Variants in CAMTA1 observed in about 807,000 individuals in gnomAD.
The protein encoded by CAMTA1 is calmodulin-binding transcription activator 1.
Under a neutral mutation model 170.9 loss-of-function variants are expected in CAMTA1, and 27 were observed. The observed-to-expected ratio is 0.16, with a 90% CI of 0.12 to 0.22. The LOEUF (loss-of-function observed/expected upper bound fraction) is 0.22. Among genes scored for constraint, CAMTA1 ranks in the 10% least tolerant of loss-of-function variants. CAMTA1 has a pLI of 1.00. For missense variants in CAMTA1, 1,619 were observed against 2,217.2 expected, an observed-to-expected ratio of 0.73 and a Z score of 5.42; for synonymous variants, 833 against 891.5, an observed-to-expected ratio of 0.93 and a Z score of 1.17.
intron 5 of CAMTA1, among the ~76,000 whole-genome samples, chr1:7,363,571 G>A (rs1184552073): frequency 6.6e-6 from 1 of 152,162 alleles, no homozygotes; most frequent in East Asian, 1.9e-4. Flanking sequence ...CTGCCAGTGA[G>A]TGACATTTCA....
chr1:7,163,488 G>A (rs1647693252), intron 4 of CAMTA1, among the ~76,000 whole-genome samples: 1 of 152,178 alleles, frequency 6.6e-6, no homozygotes, highest in Admixed American at 6.5e-5. Flanking sequence ...GATGGGAAGC[G>A]AGGGACGGCA....
intron 3 of CAMTA1, among the ~76,000 whole-genome samples, chr1:7,081,917 G>T (rs181248460): frequency 2.0e-5 from 3 of 152,218 alleles, no homozygotes; most frequent in Non-Finnish European, 4.4e-5. Flanking sequence ...TCCTTGGGCC[G>T]CCAATTTGTG....
chr1:7,002,542 C>T (rs1210575065), intron 3 of CAMTA1, among the ~76,000 whole-genome samples: 3 of 152,210 alleles, frequency 2.0e-5, no homozygotes, highest in Non-Finnish European at 4.4e-5. Context: ...AGAATACTTT[C>T]TATGACTTCA....
chr1:7,430,506 A>G (rs1262489070), intron 5 of CAMTA1, among the ~76,000 whole-genome samples: 1 of 151,672 alleles, frequency 6.6e-6, no homozygotes, highest in Non-Finnish European at 1.5e-5. Flanking sequence ...GGTGGTGGTG[A>G]TGATGATGGT....
In CAMTA1 at chr1:7,738,242, A is replaced by T. The variant is rs2096785365; in HGVS notation, c.3942A>T (p.Gly1314=). 2 of 1,613,938 alleles carry T rather than the reference A, an allele frequency of 1.2e-6. No homozygotes were observed. Among genetic ancestry groups the T allele is most frequent in the Non-Finnish European group, 1.7e-6 (2 of 1,180,040 alleles). ...TPETAAFQAS[G]SQPVGKWNSK... ...AGACTGCAGCATTTCAAGCCTCTGG[A>T]TCTCAGCCTGTAGGAAAGTGGAATT... Residue 1314 remains glycine, a synonymous_variant, in exon 16 of 23, where the codon GGA becomes GGT. Transcript: ENST00000303635. The surrounding 1 kb of genome is among the most constrained non-coding windows in gnomAD (Gnocchi z 4.9).
chr1:7,752,586 C>T, intron 21 of CAMTA1, 53 bp downstream of exon 21: 1 of 1,415,748 alleles, frequency 7.1e-7, no homozygotes, highest in Non-Finnish European at 9.7e-7. Context: ...TGAAGCAACC[C>T]TGACCTTCTT....
At chr1:7,494,016 T>C (rs1557810238) in intron 6 of CAMTA1, among the ~76,000 whole-genome samples, 1 of 152,196 alleles carries the variant, frequency 6.6e-6, no homozygotes, top group Non-Finnish European at 1.5e-5. Flanking sequence ...TTAGGATGGT[T>C]GCCACTCCCC....
chr1:6,970,770 G>GA lies in CAMTA1; in HGVS notation c.235-120532dup, dbSNP rs1217690189. ...GCAAGTGCTATCTCAGTGGAGATCT[G>GA]AAGATAACCTGGCAAAAGGAGACAG... On this transcript the variant is annotated intron_variant, in intron 3 of 22. Coordinates refer to ENST00000303635, the MANE Select transcript of CAMTA1 (RefSeq NM_015215.4). The surrounding 1 kb of genome is among the most constrained non-coding windows in gnomAD (Gnocchi z 4.4). Among the ~76,000 whole-genome samples, 1 of 151,728 alleles carries GA rather than the reference G, an allele frequency of 6.6e-6. No individual in the cohort carries two copies. The highest frequency in any genetic ancestry group is 1.5e-5 in the Non-Finnish European group (1 of 67,914).
At chr1:6,884,784 C>T (rs1311746320) in intron 3 of CAMTA1, among the ~76,000 whole-genome samples, 1 of 152,186 alleles carries the variant, frequency 6.6e-6, no homozygotes, top group Admixed American at 6.5e-5. Flanking sequence ...TGGGAATGCG[C>T]AGTCTAAGCA....
intron 6 of CAMTA1, among the ~76,000 whole-genome samples, chr1:7,489,160 A>G (rs1725272): frequency 0.69 from 105,194 of 152,218 alleles, 37,972 homozygotes; most frequent in African/African-American, 0.91. Flanking sequence ...CCTTTGCCAC[A>G]GGTGGGCCCT....
chr1:7,731,272 A>G (rs2096731162), intron 11 of CAMTA1, among the ~76,000 whole-genome samples: 1 of 152,100 alleles, frequency 6.6e-6, no homozygotes, highest in Non-Finnish European at 1.5e-5. Context: ...CCGATGAGAC[A>G]TGGGTTAAAA....
At chr1:7,125,866 T>TCAAAGCCC (rs1298227979) in intron 4 of CAMTA1, among the ~76,000 whole-genome samples, 1 of 152,096 alleles carries the variant, frequency 6.6e-6, no homozygotes, top group Non-Finnish European at 1.5e-5. Context: ...CCCCAAAGCC[T>TCAAAGCCC]CAAAGCCCCA....
At chr1:7,380,597 G>C (rs139267629) in intron 5 of CAMTA1, among the ~76,000 whole-genome samples, 2 of 152,100 alleles carry the variant, frequency 1.3e-5, no homozygotes, top group East Asian at 1.9e-4. Flanking sequence ...AGAAAAGAAG[G>C]TTGCCCAGTT....
At chr1:6,855,580 C>G (rs981735947) in intron 3 of CAMTA1, among the ~76,000 whole-genome samples, 2 of 151,906 alleles carry the variant, frequency 1.3e-5, no homozygotes, top group African/African-American at 4.8e-5. Flanking sequence ...GAAGGTGCAC[C>G]CCCATGATCC....
chr1:6,786,538 C>T (rs1157588155), intron 1 of CAMTA1, among the ~76,000 whole-genome samples: 1 of 152,202 alleles, frequency 6.6e-6, no homozygotes, highest in East Asian at 1.9e-4. Flanking sequence ...TGCCCATGTT[C>T]TTCTTTCCTC....
chr1:7,499,309 AGT>A (rs145551629), intron 6 of CAMTA1, among the ~76,000 whole-genome samples: 4 of 57,606 alleles, frequency 6.9e-5, no homozygotes, highest in South Asian at 6.8e-4. Context: ...TATGTATATG[AGT>A]GTGTGTGCAT....
Position 7,310,663 on chromosome 1 carries a change from CTTT to C in CAMTA1, c.438+61038_438+61040del, listed in dbSNP as rs1557490981. The stretch of plus-strand genomic sequence containing the variant: ...TTCTTTCTTTTTTCTTTCTTTCTTT[CTTT>C]CTTTCCTTTCTTTCTCTCTCTCTCT... On this transcript the variant is annotated intron_variant, in intron 5 of 22. Transcript: ENST00000303635. Among the ~76,000 whole-genome samples, 25 of 29,342 alleles carry C rather than the reference CTTT, an allele frequency of 8.5e-4. 1 individual carries two copies. The highest frequency in any genetic ancestry group is 0.014 in the Middle Eastern group (1 of 72). 19.2% of individuals were successfully genotyped at this position (29,342 alleles called of 152,430 possible). A position where few individuals can be genotyped will look rare whatever the true frequency, so the allele number is the denominator to read the frequency against.
chr1:7,523,166 C>T (rs2094388376), intron 6 of CAMTA1, among the ~76,000 whole-genome samples: 1 of 152,186 alleles, frequency 6.6e-6, no homozygotes, highest in Non-Finnish European at 1.5e-5. Context: ...CGTGTCTGGC[C>T]CTGTTGATCT....
At chr1:6,972,343 T>C (rs1416861932) in intron 3 of CAMTA1, among the ~76,000 whole-genome samples, 1 of 152,178 alleles carries the variant, frequency 6.6e-6, no homozygotes, top group Non-Finnish European at 1.5e-5. Context: ...AAACCTCCGT[T>C]AAGACATTTA....
Sources: gnomAD v4.1 joint callset for allele counts (sites outside exome capture counted in the v4.1 genomes callset) on GRCh38, gnomAD v4.1.1 for gene constraint, Gnocchi (gnomAD v3.1) non-coding constraint, MANE v1.5 for transcripts, NCBI Gene and HGNC (gene_info 2026-07-23, HGNC 2026-07-21) for gene names.